XKR6: variants seen among roughly 807,000 people sequenced by gnomAD.
The protein encoded by XKR6 is XK-related protein 6.
In XKR6, 22 loss-of-function variants were observed where a neutral mutation model predicts 56.7. The observed-to-expected ratio is 0.39, with a 90% CI of 0.28 to 0.55. The LOEUF (loss-of-function observed/expected upper bound fraction) is 0.55. Ranked by LOEUF, XKR6 falls within the 20% of genes least tolerant of loss-of-function variation. XKR6 has a pLI of 0.66. For synonymous variants in XKR6, 524 were observed against 387.8 expected, an observed-to-expected ratio of 1.35 and a Z score of -4.13; for missense variants, 852 against 889.0, an observed-to-expected ratio of 0.96 and a Z score of 0.53.
chr8:11,037,876 A>AC (rs1182796154), intron 1 of XKR6, among the ~76,000 whole-genome samples: 1,825 of 151,430 alleles, frequency 0.012, 45 homozygotes, highest in African/African-American at 0.042. Flanking sequence ...AAAAAAAAAA[A>AC]ATTAGCCGGG....
At chr8:10,951,296 T>TGGG (rs1437917540) in intron 1 of XKR6, among the ~76,000 whole-genome samples, 4 of 89,998 alleles carry the variant, frequency 4.4e-5, no homozygotes, top group Non-Finnish European at 8.8e-5. Flanking sequence ...TGTGTGTGTG[T>TGGG]GTGGGGGGGG....
chr8:10,948,038 G>T (rs1186750142), intron 1 of XKR6, among the ~76,000 whole-genome samples: 1 of 152,150 alleles, frequency 6.6e-6, no homozygotes, highest in Admixed American at 6.5e-5. Context: ...AGAGGTGACT[G>T]CAGAACAGCC....
At chr8:10,899,675 C>G (rs1004002534) in intron 2 of XKR6, among the ~76,000 whole-genome samples, 2 of 152,216 alleles carry the variant, frequency 1.3e-5, no homozygotes, top group Non-Finnish European at 2.9e-5. Context: ...TGGTTGCCCT[C>G]TGGGTTCAAC....
At chr8:11,058,170 G>A (rs553426293) in intron 1 of XKR6, among the ~76,000 whole-genome samples, 2 of 152,302 alleles carry the variant, frequency 1.3e-5, no homozygotes, top group Admixed American at 6.5e-5. Flanking sequence ...TCTTTAAGTC[G>A]GAATGGGTGA....
intron 1 of XKR6, among the ~76,000 whole-genome samples, chr8:11,113,533 AAC>A (rs56671624): frequency 0.023 from 3,536 of 152,304 alleles, 154 homozygotes; most frequent in African/African-American, 0.078. Flanking sequence ...AAAATAAACA[AAC>A]ACACACATAC....
chr8:11,197,008 C>G (rs893351018), intron 1 of XKR6, among the ~76,000 whole-genome samples: 1 of 152,170 alleles, frequency 6.6e-6, no homozygotes, highest in Non-Finnish European at 1.5e-5. Flanking sequence ...TTCCACCAGT[C>G]TCAAATCAGA....
intron 1 of XKR6, among the ~76,000 whole-genome samples, chr8:11,188,162 A>G (rs1000853107): frequency 1.3e-5 from 2 of 152,194 alleles, no homozygotes; most frequent in African/African-American, 4.8e-5. Context: ...ATGCCAAGCA[A>G]TAAGCAAAAA....
intron 1 of XKR6, among the ~76,000 whole-genome samples, chr8:11,102,084 A>G (rs1798504541): frequency 6.6e-6 from 1 of 152,182 alleles, no homozygotes; most frequent in South Asian, 2.1e-4. Flanking sequence ...AAAAGCAGTC[A>G]CTGGCTGAAA....
chr8:11,033,414 GA>G (rs1799052774), intron 1 of XKR6, among the ~76,000 whole-genome samples: 1 of 151,694 alleles, frequency 6.6e-6, no homozygotes, highest in Non-Finnish European at 1.5e-5. Flanking sequence ...TGATGGTGAT[GA>G]TGATGATGAT....
rs543660070 is a variant in XKR6, at chr8:11,015,829, C to G, written c.765-90999G>C. On this transcript the variant is annotated intron_variant, in intron 1 of 2. Transcript: ENST00000416569. ...GAGGGTGGGCTCGGCGTATCTAGAG[C>G]AGTCCGCGGAGGACGCTGAGGCTCG... Among the ~76,000 whole-genome samples, 69 of 152,294 alleles carry G rather than the reference C, an allele frequency of 4.5e-4. 1 individual carries two copies. Among genetic ancestry groups the G allele is most frequent in the African/African-American group, 1.6e-3 (67 of 41,564 alleles).
chr8:11,190,429 C>T (rs1803514797), intron 1 of XKR6, among the ~76,000 whole-genome samples: 1 of 152,104 alleles, frequency 6.6e-6, no homozygotes, highest in Non-Finnish European at 1.5e-5. Context: ...CCTACATATT[C>T]CTTTGTGTAA....
chr8:11,128,670 A>G (rs951746981), intron 1 of XKR6: 4 of 374,024 alleles, frequency 1.1e-5, no homozygotes, highest in African/African-American at 2.1e-5. Context: ...GATACACAAG[A>G]TGAAATTACC....
At chr8:10,978,458 A>T (rs933384497) in intron 1 of XKR6, among the ~76,000 whole-genome samples, 2 of 152,156 alleles carry the variant, frequency 1.3e-5, no homozygotes, top group African/African-American at 4.8e-5. Context: ...GCATGTGATG[A>T]TGTGATGGGG....
At chr8:10,945,674 T>TAATG (rs1801513303) in intron 1 of XKR6, among the ~76,000 whole-genome samples, 1 of 152,222 alleles carries the variant, frequency 6.6e-6, no homozygotes, top group African/African-American at 2.4e-5. Flanking sequence ...TGATTTTCTC[T>TAATG]AATGAATGAA....
intron 1 of XKR6, among the ~76,000 whole-genome samples, chr8:11,071,641 G>A (rs922199953): frequency 1.3e-4 from 19 of 149,022 alleles, no homozygotes; most frequent in African/African-American, 4.5e-4. Flanking sequence ...CATGAGCCCC[G>A]AGTCCATGAG....
At chr8:10,967,135 C>T (rs1357128587) in intron 1 of XKR6, among the ~76,000 whole-genome samples, 8 of 152,322 alleles carry the variant, frequency 5.3e-5, no homozygotes, top group African/African-American at 1.4e-4. Context: ...GCGTGATCCT[C>T]GGATATAGAG....
At position 11,188,257 on chromosome 8, in the gene XKR6, G is replaced by A. The variant is rs78554644; in HGVS notation, c.764+12319C>T. Among the ~76,000 whole-genome samples the A allele has an allele frequency of 9.2e-3, 1,392 of 152,102 alleles. 8 individuals carry two copies. Among genetic ancestry groups the A allele is most frequent in the Non-Finnish European group, 0.015 (1,053 of 67,968 alleles). On this transcript the variant is annotated intron_variant, in intron 1 of 2. Transcript: ENST00000416569. ...ACATTTAATCATAAAGGCCTGCTTG[G>A]GTACACACCAACCCTTTCCCACATT...
At chr8:11,042,382 C>T (rs1176298322) in intron 1 of XKR6, among the ~76,000 whole-genome samples, 2 of 152,012 alleles carry the variant, frequency 1.3e-5, no homozygotes, top group Admixed American at 1.3e-4. Flanking sequence ...GGTAACTGAA[C>T]CGTGGGGACA....
At position 11,201,190 on chromosome 8, in the gene XKR6, C is replaced by T. The variant is rs985600295; in HGVS notation, c.150G>A (p.Glu50=). 6.5e-7 allele frequency: 1 copy of T among 1,528,442 alleles called. No individual in the cohort carries two copies. Among genetic ancestry groups the T allele is most frequent in the African/African-American group, 1.4e-5 (1 of 71,982 alleles). The allele number at this position is 1,528,442 out of a possible 1,614,324, so 94.7% of individuals were successfully genotyped here. The stretch of plus-strand genomic sequence containing the variant: ...AGTGGCAGATGTGCATCGAGCTGCT[C>T]TCGCCGGGCTCGCTGCCGTCGCCGC... The part of the protein sequence containing the change: ...GGGGDGSEPG[E]SSSMHICHCC... Residue 50 remains glutamate, a synonymous_variant, in exon 1 of 3, where the codon GAG becomes GAA. Transcript: ENST00000416569.
Sources: gnomAD v4.1 joint callset for allele counts (sites outside exome capture counted in the v4.1 genomes callset) on GRCh38, gnomAD v4.1.1 for gene constraint, MANE v1.5 for transcripts, NCBI Gene and HGNC (gene_info 2026-07-23, HGNC 2026-07-21) for gene names.